TRPC1: variants seen among roughly 807,000 people sequenced by gnomAD.
The protein encoded by TRPC1 is transient receptor potential cation channel subfamily C member 1, also known as short transient receptor potential channel 1.
Under a neutral mutation model 88.2 loss-of-function variants are expected in TRPC1, and 42 were observed. The ratio of observed to expected loss-of-function variants is 0.48; its 90% CI spans 0.37 to 0.62. The LOEUF (loss-of-function observed/expected upper bound fraction) is 0.62. Ranked by LOEUF, TRPC1 falls within the 20% of genes least tolerant of loss-of-function variation. The pLI, the probability that TRPC1 is intolerant of heterozygous loss-of-function variation, is 0.00. For missense variants in TRPC1, 699 were observed against 957.3 expected, an observed-to-expected ratio of 0.73 and a Z score of 3.56; for synonymous variants, 288 against 331.8, an observed-to-expected ratio of 0.87 and a Z score of 1.43.
At chr3:142,795,301 A>G (rs1045027156) in intron 9 of TRPC1, among the ~76,000 whole-genome samples, 5 of 151,284 alleles carry the variant, frequency 3.3e-5, no homozygotes, top group African/African-American at 1.2e-4. Flanking sequence ...TTTTTAAGAA[A>G]TAATAGCAGA....
chr3:142,731,724 G>A (rs565086335), intron 1 of TRPC1, among the ~76,000 whole-genome samples: 1 of 152,220 alleles, frequency 6.6e-6, no homozygotes, highest in Admixed American at 6.5e-5. Context: ...GCTGTGGAGT[G>A]CAGAGTGGAT....
chr3:142,763,217 T>A (rs1169613865), intron 4 of TRPC1, among the ~76,000 whole-genome samples: 1 of 152,088 alleles, frequency 6.6e-6, no homozygotes, highest in Non-Finnish European at 1.5e-5. Context: ...TTACTCTTTC[T>A]TTGTTGATTT....
chr3:142,766,543 G>A (rs751549013), intron 4 of TRPC1, among the ~76,000 whole-genome samples: 1 of 151,948 alleles, frequency 6.6e-6, no homozygotes, highest in Non-Finnish European at 1.5e-5. Flanking sequence ...TAGGACTACA[G>A]GCATGTACCA....
chr3:142,762,691 A>G (rs1935229352), intron 4 of TRPC1, among the ~76,000 whole-genome samples: 1 of 151,832 alleles, frequency 6.6e-6, no homozygotes, highest in Admixed American at 6.6e-5. Flanking sequence ...GGCCTCCCAA[A>G]GTGCTGGGAT....
chr3:142,745,465 GAA>G (rs1934509076), intron 3 of TRPC1, among the ~76,000 whole-genome samples: 3 of 152,216 alleles, frequency 2.0e-5, no homozygotes, highest in Admixed American at 1.3e-4. Flanking sequence ...CCAATATGGA[GAA>G]ACCCCATCTC....
chr3:142,800,817 C>G (rs1289150398), intron 9 of TRPC1, among the ~76,000 whole-genome samples: 1 of 151,448 alleles, frequency 6.6e-6, no homozygotes, highest in African/African-American at 2.4e-5. Flanking sequence ...ACTTGGGAGG[C>G]TAAGGCAGGA....
intron 3 of TRPC1, among the ~76,000 whole-genome samples, chr3:142,747,814 G>A (rs1934614121): frequency 6.6e-6 from 1 of 152,140 alleles, no homozygotes. Context: ...ATGTGATAAG[G>A]TTTGCCATAG....
At chr3:142,761,273 T>C (rs1284573524) in intron 4 of TRPC1, among the ~76,000 whole-genome samples, 1 of 152,138 alleles carries the variant, frequency 6.6e-6, no homozygotes, top group African/African-American at 2.4e-5. Context: ...GTTGTTGTTG[T>C]TATAAAGGGA....
At position 142,806,380 on chromosome 3, in the gene TRPC1, T is replaced by C. The variant is rs1467554796; in HGVS notation, c.*145T>C. On this transcript the variant is annotated 3_prime_UTR_variant, in exon 13 of 13. Transcript: ENST00000476941. ...CTTTAAAATATTTATAGCATAAATA[T>C]ATGTTATGTAAAGTGTGTATATAGA... 2.7e-6 allele frequency: 2 copies of C among 738,734 alleles called. No homozygotes were observed. Among genetic ancestry groups the C allele is most frequent in the African/African-American group, 3.6e-5 (2 of 56,192 alleles). The allele number at this position is 738,734 out of a possible 1,614,324, so 45.8% of individuals were successfully genotyped here. A position where few individuals can be genotyped will look rare whatever the true frequency, so the allele number is the denominator to read the frequency against.
Position 142,781,013 on chromosome 3 carries a change from A to T in TRPC1, c.944A>T (p.Lys315Ile), listed in dbSNP as rs763487317. ...MNLSRLKLAI[K>I]YNQKEFVSQS... ...TTAAGTCGTCTAAAACTTGCTATCAAATATAACCAGAAAGAGGTATGAGGC... is the reference window on the plus strand; with the variant it reads ...TTAAGTCGTCTAAAACTTGCTATCATATATAACCAGAAAGAGGTATGAGGC... The change falls in exon 6 of 13, where the codon AAA (lysine) becomes ATA (isoleucine). Residue 315 changes from lysine (K) to isoleucine (I), a missense_variant. By Grantham distance (102) the Lys-to-Ile change is moderately radical. Coordinates refer to ENST00000476941, the MANE Select transcript of TRPC1 (RefSeq NM_001251845.2). The T allele has an allele frequency of 6.2e-7, 1 of 1,611,544 alleles. No individual in the cohort carries two copies. Among genetic ancestry groups the T allele is most frequent in the Non-Finnish European group, 8.5e-7 (1 of 1,179,086 alleles).
chr3:142,758,519 C>T (rs1389652592), intron 4 of TRPC1, among the ~76,000 whole-genome samples: 1 of 152,090 alleles, frequency 6.6e-6, no homozygotes, highest in African/African-American at 2.4e-5. Flanking sequence ...GTTGTTTGAG[C>T]TCCTTACATA....
intron 2 of TRPC1, among the ~76,000 whole-genome samples, chr3:142,739,450 G>T (rs1934262837): frequency 6.6e-6 from 1 of 152,134 alleles, no homozygotes; most frequent in Non-Finnish European, 1.5e-5. Context: ...AGACAGGTAG[G>T]GAACAGGAGA....
chr3:142,733,760 A>G (rs1466320516), intron 1 of TRPC1, among the ~76,000 whole-genome samples: 3 of 152,364 alleles, frequency 2.0e-5, no homozygotes, highest in South Asian at 2.1e-4. Context: ...TAGCTAAAAT[A>G]TAATGAACAT....
At chr3:142,727,995 C>A (rs1312524122) in intron 1 of TRPC1, among the ~76,000 whole-genome samples, 3 of 150,998 alleles carry the variant, frequency 2.0e-5, no homozygotes, top group African/African-American at 7.3e-5. Context: ...AAAAAAAAAA[C>A]TTGTTGAGTA....
At chr3:142,769,230 A>T (rs1226065922) in intron 4 of TRPC1, among the ~76,000 whole-genome samples, 1 of 152,054 alleles carries the variant, frequency 6.6e-6, no homozygotes, top group Admixed American at 6.5e-5. Context: ...TATGTAAATG[A>T]TCACCACAGT....
At chr3:142,777,584 A>T in intron 4 of TRPC1, 48 bp from the exon 5 acceptor site, 2 of 1,290,634 alleles carry the variant, frequency 1.5e-6, no homozygotes, top group Non-Finnish European at 2.1e-6. Flanking sequence ...AATACGAATT[A>T]TATGTGTATA....
chr3:142,757,597 A>G (rs1161607897), intron 4 of TRPC1, among the ~76,000 whole-genome samples: 1 of 151,908 alleles, frequency 6.6e-6, no homozygotes, highest in Non-Finnish European at 1.5e-5. Context: ...GAGTTGAACA[A>G]TAAGAACACA....
intron 4 of TRPC1, among the ~76,000 whole-genome samples, chr3:142,761,407 T>C (rs1935180855): frequency 6.6e-6 from 1 of 152,220 alleles, no homozygotes; most frequent in South Asian, 2.1e-4. Context: ...TTCTTGCATC[T>C]CTGGGATGAA....
chr3:142,777,789 T>G, intron 5 of TRPC1, 26 bp downstream of exon 5: 4 of 1,590,620 alleles, frequency 2.5e-6, no homozygotes, highest in Non-Finnish European at 3.4e-6. Flanking sequence ...AATTATATAA[T>G]GTATTTTGTT....
Sources: allele counts gnomAD v4.1 joint callset (sites outside exome capture counted in the v4.1 genomes callset), GRCh38; gene constraint gnomAD v4.1.1; transcripts MANE v1.5; gene names NCBI Gene and HGNC (gene_info 2026-07-23, HGNC 2026-07-21).